SNTG1: variants seen among roughly 807,000 people sequenced by gnomAD.
SNTG1 encodes syntrophin gamma 1.
In SNTG1, 39 loss-of-function variants were observed where a neutral mutation model predicts 74.7. The observed-to-expected ratio is 0.52, with a 90% CI of 0.40 to 0.68. The LOEUF (loss-of-function observed/expected upper bound fraction) is 0.68, where lower values mean the gene tolerates loss of function less well. SNTG1 is among the 30% of genes least tolerant of loss of function. SNTG1 has a pLI of 0.00. For missense variants in SNTG1, 685 were observed against 609.5 expected (o/e 1.12, Z -1.30); for synonymous variants, 254 against 217.1 (o/e 1.17, Z -1.49).
chr8:50,198,734 A>T (rs1156748841), intron 2 of SNTG1, among the ~76,000 whole-genome samples: 1 of 152,202 alleles, frequency 6.6e-6, no homozygotes, highest in Non-Finnish European at 1.5e-5. Flanking sequence ...GAATGCTACA[A>T]TTCAAGGAAT....
At chr8:50,174,357 A>T (rs544247090) in intron 2 of SNTG1, among the ~76,000 whole-genome samples, 1 of 152,318 alleles carries the variant, frequency 6.6e-6, no homozygotes, top group Non-Finnish European at 1.5e-5. Flanking sequence ...ATACCCAGTA[A>T]TGGGATTGCT....
At chr8:50,271,812 T>A (rs887980039) in intron 2 of SNTG1, among the ~76,000 whole-genome samples, 1 of 152,190 alleles carries the variant, frequency 6.6e-6, no homozygotes, top group Non-Finnish European at 1.5e-5. Flanking sequence ...TGTTATGATA[T>A]GAATGCCTGT....
chr8:49,944,874 A>T lies in SNTG1; in HGVS notation c.-103+32643A>T, dbSNP rs575537151. Among the ~76,000 whole-genome samples, 4 of 151,016 alleles carry T rather than the reference A, an allele frequency of 2.6e-5. No homozygotes were observed. In the South Asian group the frequency reaches 8.4e-4, roughly 32 times the overall value. On this transcript the variant is annotated intron_variant, in intron 1 of 18. Transcript: ENST00000642720. ...GCAATCTCGGCTCACTGAAACCTTC[A>T]TCTCCCGGGCTCAAGCGATTCTCTT...
At chr8:49,996,850 A>G (rs1165628648) in intron 1 of SNTG1, among the ~76,000 whole-genome samples, 1 of 152,016 alleles carries the variant, frequency 6.6e-6, no homozygotes, top group African/African-American at 2.4e-5. Flanking sequence ...TCATAATTAC[A>G]TAGTTTTTAG....
chr8:50,743,821 G>T (rs994402764), intron 17 of SNTG1, among the ~76,000 whole-genome samples: 1 of 151,978 alleles, frequency 6.6e-6, no homozygotes, highest in Non-Finnish European at 1.5e-5. Context: ...ATAAAGGAAA[G>T]AGGTTTAGTT....
chr8:50,336,802 A>G (rs945539707), intron 2 of SNTG1, among the ~76,000 whole-genome samples: 14 of 152,206 alleles, frequency 9.2e-5, no homozygotes, highest in African/African-American at 3.4e-4. Context: ...GTTTTCCAAA[A>G]TGTAGAAACT....
At position 50,447,106 on chromosome 8, in the gene SNTG1, A is replaced by C. The variant is rs1486903882; in HGVS notation, c.220-2562A>C. On this transcript the variant is annotated intron_variant, in intron 5 of 18. Coordinates refer to ENST00000642720, the MANE Select transcript of SNTG1 (RefSeq NM_018967.5). ...AACCACAGAAAGTGAAACACAAATAAGCAGGGGATTGCTGTACAAGTCTGG... is the reference window on the plus strand; with the variant it reads ...AACCACAGAAAGTGAAACACAAATACGCAGGGGATTGCTGTACAAGTCTGG... 2.0e-4 allele frequency among the ~76,000 whole-genome samples: 30 copies of C among 152,220 alleles called. 1 individual carries two copies. Among genetic ancestry groups the C allele is most frequent in the Admixed American group, 2.0e-3 (30 of 15,284 alleles).
At chr8:50,711,738 G>T (rs1049555275) in intron 17 of SNTG1, among the ~76,000 whole-genome samples, 1 of 152,102 alleles carries the variant, frequency 6.6e-6, no homozygotes, top group Non-Finnish European at 1.5e-5. Context: ...ATAGCATTCT[G>T]TTCCCTATAC....
At chr8:50,510,050 T>G (rs1585515766) in intron 9 of SNTG1, among the ~76,000 whole-genome samples, 1 of 152,294 alleles carries the variant, frequency 6.6e-6, no homozygotes, top group Middle Eastern at 3.4e-3. Context: ...TGGCTGTGGG[T>G]TTGTCATAGA....
intron 2 of SNTG1, among the ~76,000 whole-genome samples, chr8:50,337,618 A>G (rs1037342151): frequency 6.6e-6 from 1 of 152,140 alleles, no homozygotes; most frequent in African/African-American, 2.4e-5. Flanking sequence ...CCCCTTGAAG[A>G]CCCCTCAAAC....
intron 15 of SNTG1, among the ~76,000 whole-genome samples, chr8:50,696,577 C>T (rs1190390898): frequency 2.6e-5 from 4 of 151,954 alleles, no homozygotes; most frequent in Non-Finnish European, 5.9e-5. Flanking sequence ...AGTTTCGAAT[C>T]TTATGGTCTT....
intron 13 of SNTG1, among the ~76,000 whole-genome samples, chr8:50,593,640 G>A (rs551019732): frequency 6.6e-6 from 1 of 151,904 alleles, no homozygotes; most frequent in South Asian, 2.1e-4. Flanking sequence ...CTTTTCATGA[G>A]GAGTAAGTTT....
chr8:50,536,548 C>T (rs2094308519), intron 10 of SNTG1, 130 bp from the exon 11 acceptor site: 5 of 1,094,198 alleles, frequency 4.6e-6, no homozygotes, highest in Middle Eastern at 5.9e-4. Flanking sequence ...GACTTCTTCT[C>T]ATGGTATTCC....
At chr8:50,186,374 G>T (rs781078525) in intron 2 of SNTG1, among the ~76,000 whole-genome samples, 13 of 152,052 alleles carry the variant, frequency 8.5e-5, no homozygotes, top group Non-Finnish European at 1.9e-4. Context: ...TCAATAATGG[G>T]ATTTCCTATG....
intron 17 of SNTG1, among the ~76,000 whole-genome samples, chr8:50,729,195 G>C (rs1467120627): frequency 1.3e-5 from 2 of 152,130 alleles, no homozygotes; most frequent in Non-Finnish European, 2.9e-5. Flanking sequence ...CCTGTGGCTT[G>C]GCTCATCCCT....
intron 1 of SNTG1, among the ~76,000 whole-genome samples, chr8:50,160,091 G>GT (rs2082369305): frequency 6.6e-6 from 1 of 152,050 alleles, no homozygotes; most frequent in Admixed American, 6.6e-5. Context: ...TGTGTTTGTT[G>GT]GTTTTTCTAA....
intron 2 of SNTG1, among the ~76,000 whole-genome samples, chr8:50,219,666 T>A (rs1403204566): frequency 6.6e-6 from 1 of 152,074 alleles, no homozygotes; most frequent in Non-Finnish European, 1.5e-5. Flanking sequence ...CAAAATCTCA[T>A]GAGAACTCAC....
At chr8:50,464,538 AC>A (rs1414755043) in intron 8 of SNTG1, among the ~76,000 whole-genome samples, 1 of 152,126 alleles carries the variant, frequency 6.6e-6, no homozygotes, top group Non-Finnish European at 1.5e-5. Context: ...GTCAGAACAC[AC>A]ACATTTATCA....
At chr8:50,308,283 C>A (rs1042379285) in intron 2 of SNTG1, among the ~76,000 whole-genome samples, 4 of 151,884 alleles carry the variant, frequency 2.6e-5, no homozygotes, top group Admixed American at 6.6e-5. Flanking sequence ...CCAGAGAGTT[C>A]CTATTAGTGG....
Sources: allele counts gnomAD v4.1 joint callset (sites outside exome capture counted in the v4.1 genomes callset), GRCh38; gene constraint gnomAD v4.1.1; transcripts MANE v1.5; gene names NCBI Gene and HGNC (gene_info 2026-07-23, HGNC 2026-07-21).